GOLGA4: variants seen among roughly 807,000 people sequenced by gnomAD.
The protein encoded by GOLGA4 is golgin A4.
A neutral mutation model predicts 265.9 loss-of-function variants in GOLGA4; 169 were observed. The observed-to-expected ratio is 0.64, with a 90% CI of 0.56 to 0.72. The LOEUF (loss-of-function observed/expected upper bound fraction) is 0.72. Among genes scored for constraint, GOLGA4 ranks in the 30% least tolerant of loss-of-function variants. GOLGA4 has a pLI of 0.00. For missense variants in GOLGA4, 2,482 were observed against 2,483.4 expected, an observed-to-expected ratio of 1.00 and a Z score of 0.01; for synonymous variants, 923 against 855.8, an observed-to-expected ratio of 1.08 and a Z score of -1.37.
At chr3:37,337,582 C>T (rs2097018477) in intron 18 of GOLGA4, 84 bp from the exon 19 acceptor site, 1 of 876,640 alleles carries the variant, frequency 1.1e-6, no homozygotes, top group Non-Finnish European at 1.9e-6. Flanking sequence ...AAAAGACTAA[C>T]AAAAATTTCC....
At chr3:37,249,470 A>G (rs1344357141) in intron 1 of GOLGA4, among the ~76,000 whole-genome samples, 1 of 151,740 alleles carries the variant, frequency 6.6e-6, no homozygotes, top group Non-Finnish European at 1.5e-5. Context: ...GCTGGAGTGT[A>G]GTGGTGCAAT....
At chr3:37,343,279 G>A (rs2097044328) in intron 20 of GOLGA4, among the ~76,000 whole-genome samples, 1 of 152,164 alleles carries the variant, frequency 6.6e-6, no homozygotes, top group African/African-American at 2.4e-5. Context: ...GCGCCTCCAC[G>A]CCTGGCTAAT....
chr3:37,342,691 T>C (rs1559459518), intron 20 of GOLGA4, among the ~76,000 whole-genome samples: 1 of 152,182 alleles, frequency 6.6e-6, no homozygotes, highest in Admixed American at 6.5e-5. Context: ...ATTTTGTACA[T>C]TCTTTTTCAT....
intron 2 of GOLGA4, among the ~76,000 whole-genome samples, chr3:37,266,120 G>T (rs540581157): frequency 1.3e-5 from 2 of 151,476 alleles, no homozygotes; most frequent in South Asian, 4.2e-4. Context: ...AACTTACGTA[G>T]CTTGCGTGTC....
Position 37,278,819 on chromosome 3 carries a change from T to G in GOLGA4, c.163-3139T>G, listed in dbSNP as rs569086760. ...CCTTCACTCAGTTTGTTTACTTTTT[T>G]TTTTTTTTTTTGAGACAGAGTCTCT... is the stretch of plus-strand genomic sequence containing the variant. On this transcript the variant is annotated intron_variant, in intron 2 of 23. Transcript: ENST00000361924. 2.6e-5 allele frequency among the ~76,000 whole-genome samples: 4 copies of G among 151,246 alleles called. No homozygotes were observed. The South Asian group carries it at 8.4e-4, about 32-fold the overall frequency.
At chr3:37,328,684 C>G in intron 15 of GOLGA4, 147 bp downstream of exon 15, 1 of 828,356 alleles carries the variant, frequency 1.2e-6, no homozygotes, top group Non-Finnish European at 1.9e-6. Context: ...TAATGGGAAC[C>G]TGCCCTGCTT....
intron 22 of GOLGA4, among the ~76,000 whole-genome samples, chr3:37,359,660 G>C (rs1406130474): frequency 6.6e-6 from 1 of 151,926 alleles, no homozygotes; most frequent in East Asian, 1.9e-4. Context: ...TTCTTCATCA[G>C]TCCTTGCCCT....
At chr3:37,318,581 A>G (rs941917248) in intron 11 of GOLGA4, among the ~76,000 whole-genome samples, 2 of 151,556 alleles carry the variant, frequency 1.3e-5, no homozygotes, top group Admixed American at 6.6e-5. Flanking sequence ...ATATATATTA[A>G]CTTTTTAGAT....
chr3:37,265,816 CGCT>C (rs2096782111), intron 2 of GOLGA4, among the ~76,000 whole-genome samples: 1 of 151,936 alleles, frequency 6.6e-6, no homozygotes, highest in East Asian at 1.9e-4. Flanking sequence ...GCAGGTGGAT[CGCT>C]TGAGCTCAGG....
At chr3:37,256,206 C>T (rs76296887) in intron 2 of GOLGA4, among the ~76,000 whole-genome samples, 67 of 152,186 alleles carry the variant, frequency 4.4e-4, no homozygotes, top group African/African-American at 1.6e-3. Flanking sequence ...TATTCTGTTC[C>T]ATTGTTCTCT....
At chr3:37,247,532 G>A (rs2096722799) in intron 1 of GOLGA4, among the ~76,000 whole-genome samples, 1 of 152,224 alleles carries the variant, frequency 6.6e-6, no homozygotes, top group Admixed American at 6.5e-5. Context: ...AGGGACAAGG[G>A]ATTCAAGGCT....
chr3:37,348,734 T>G (rs2097064083), intron 21 of GOLGA4, among the ~76,000 whole-genome samples: 1 of 152,184 alleles, frequency 6.6e-6, no homozygotes, highest in Non-Finnish European at 1.5e-5. Flanking sequence ...CTAAATAATT[T>G]ATTTAGCTTT....
intron 23 of GOLGA4, among the ~76,000 whole-genome samples, chr3:37,365,507 A>G (rs550005453): frequency 6.6e-5 from 10 of 152,220 alleles, no homozygotes; most frequent in Non-Finnish European, 1.3e-4. Context: ...GCCTCAAGTG[A>G]TCTTTCCACC....
Position 37,355,183 on chromosome 3 carries a change from T to C in GOLGA4, c.6659T>C (p.Leu2220Pro). 1 of 1,554,290 alleles carries C rather than the reference T, an allele frequency of 6.4e-7. No homozygotes were observed. Among genetic ancestry groups the C allele is most frequent in the Non-Finnish European group, 8.9e-7 (1 of 1,125,754 alleles). The change falls in exon 22 of 24, where the codon CTG (leucine) becomes CCG (proline). Residue 2220 changes from leucine (L) to proline (P), a missense_variant. Coordinates refer to ENST00000361924, the MANE Select transcript of GOLGA4 (RefSeq NM_002078.5). The stretch of plus-strand genomic sequence containing the variant: ...ATTTTGGAAAGAGAAGATGCTCGGC[T>C]GATGGTAAGTTCTGGAAGTGGGCTC... ...QKILEREDAR[L>P]MFTSPRSGIF
chr3:37,257,367 T>A (rs939641798), intron 2 of GOLGA4, among the ~76,000 whole-genome samples: 15 of 152,194 alleles, frequency 9.9e-5, no homozygotes, highest in Admixed American at 8.5e-4. Context: ...TTTTTGGTGT[T>A]ACCTGGATCA....
intron 1 of GOLGA4, among the ~76,000 whole-genome samples, chr3:37,248,281 G>A (rs1054398104): frequency 6.6e-6 from 1 of 152,102 alleles, no homozygotes; most frequent in Non-Finnish European, 1.5e-5. Flanking sequence ...AGCTAAAATG[G>A]TTTTTCTTAC....
At chr3:37,273,675 C>A in intron 2 of GOLGA4, 1 of 773,536 alleles carries the variant, frequency 1.3e-6, no homozygotes, top group Non-Finnish European at 2.2e-6. Flanking sequence ...TAATTATTAG[C>A]ATCTGACTTT....
Position 37,303,263 on chromosome 3 carries a change from T to G in GOLGA4, c.1234+931T>G, listed in dbSNP as rs372082962. Among the ~76,000 whole-genome samples, 13 of 152,308 alleles carry G rather than the reference T, an allele frequency of 8.5e-5. No individual in the cohort carries two copies. In the South Asian group the frequency reaches 1.7e-3, roughly 19 times the overall value. ...TAATGTGATGGGAGCTAGGGTTTTA[T>G]GTAGAAAAGAAATGAAATAGGAAGT... On this transcript the variant is annotated intron_variant, in intron 10 of 23. Coordinates refer to ENST00000361924, the MANE Select transcript of GOLGA4 (RefSeq NM_002078.5).
At chr3:37,297,592 CAA>C (rs765546642) in intron 7 of GOLGA4, among the ~76,000 whole-genome samples, 1 of 152,140 alleles carries the variant, frequency 6.6e-6, no homozygotes, top group South Asian at 2.1e-4. Flanking sequence ...GGTTGAACCT[CAA>C]AGAGGTGAAT....
Sources: allele counts gnomAD v4.1 joint callset (sites outside exome capture counted in the v4.1 genomes callset), GRCh38; gene constraint gnomAD v4.1.1; transcripts MANE v1.5; gene names NCBI Gene and HGNC (gene_info 2026-07-23, HGNC 2026-07-21).